The following DGKI variants were observed in gnomAD, a reference collection of about 807,000 sequenced individuals.
DGKI encodes the protein DAG kinase iota.
In DGKI, 55 loss-of-function variants were observed where a neutral mutation model predicts 147.5. The ratio of observed to expected loss-of-function variants is 0.37; its 90% CI spans 0.30 to 0.47. The LOEUF (loss-of-function observed/expected upper bound fraction) is 0.47, where lower values mean the gene tolerates loss of function less well. Among genes scored for constraint, DGKI ranks in the 20% least tolerant of loss-of-function variants. The probability of loss-of-function intolerance (pLI) is 1.00; values close to 1 mark genes in which losing one functional copy is unlikely to be tolerated. For synonymous variants in DGKI, 469 were observed against 477.1 expected (o/e 0.98, Z 0.22); for missense variants, 1,007 against 1,323.8 (o/e 0.76, Z 3.71).
At chr7:137,680,948 A>G (rs10248705) in intron 2 of DGKI, among the ~76,000 whole-genome samples, 9,954 of 152,216 alleles carry the variant, frequency 0.065, 1,034 homozygotes, top group African/African-American at 0.22. Flanking sequence ...AGAACAACCA[A>G]AATTTGTATT....
At chr7:137,498,327 A>T (rs984111652) in intron 21 of DGKI, among the ~76,000 whole-genome samples, 1 of 151,814 alleles carries the variant, frequency 6.6e-6, no homozygotes, top group Non-Finnish European at 1.5e-5. Context: ...AGGAGTTTCA[A>T]AAAACATCCC....
intron 15 of DGKI, among the ~76,000 whole-genome samples, chr7:137,578,583 T>C (rs566841953): frequency 8.5e-5 from 13 of 152,324 alleles, no homozygotes; most frequent in African/African-American, 3.1e-4. Flanking sequence ...GAATTGCAAA[T>C]GATTAGGCCC....
In DGKI at chr7:137,623,485, C is replaced by T; in HGVS notation, c.874G>A (p.Ala292Thr). 1 of 1,613,834 alleles carries T rather than the reference C, an allele frequency of 6.2e-7. No individual in the cohort carries two copies. The part of the protein sequence containing the change: ...VAISCSWCKQ[A>T]FHNKVTCFML... ...GCTTTATTTCATCCCAATCTTACCG[C>T]CTGCTTGCACCAGGAACAGCTGATA... Residue 292 changes from alanine to threonine, a missense_variant and splice_region_variant, in exon 7 of 33, where the codon GCG becomes ACG. Physicochemically the swap from Ala to Thr is moderately conservative, Grantham distance 58. This residue lies in a region of DGKI where 259 missense variants were observed against 362.5 expected (regional missense o/e 0.71). Coordinates refer to ENST00000614521, the MANE Select transcript of DGKI (RefSeq NM_001321708.2).
At chr7:137,640,018 T>G (rs949951325) in intron 6 of DGKI, among the ~76,000 whole-genome samples, 3 of 151,996 alleles carry the variant, frequency 2.0e-5, no homozygotes, top group South Asian at 2.1e-4. Context: ...TTTTTTTTTT[T>G]TGGTGGTGGT....
chr7:137,721,129 G>A (rs965626043), intron 1 of DGKI, among the ~76,000 whole-genome samples: 9 of 152,046 alleles, frequency 5.9e-5, no homozygotes, highest in African/African-American at 7.2e-5. Context: ...CCTGTAATTC[G>A]GGAATTAATT....
At chr7:137,680,200 G>A (rs1384924308) in intron 2 of DGKI, among the ~76,000 whole-genome samples, 3 of 152,044 alleles carry the variant, frequency 2.0e-5, no homozygotes, top group African/African-American at 7.3e-5. Context: ...GAAAGCAGCT[G>A]TCTGCAAGTG....
intron 20 of DGKI, among the ~76,000 whole-genome samples, chr7:137,548,678 C>G (rs1817945741): frequency 6.6e-6 from 1 of 152,170 alleles, no homozygotes; most frequent in South Asian, 2.1e-4. Flanking sequence ...TATAAATTAT[C>G]CAGCCTTAGC....
chr7:137,420,752 C>T lies in DGKI; in HGVS notation c.2762-8545G>A, dbSNP rs544138386. On this transcript the variant is annotated intron_variant, in intron 28 of 32. Transcript: ENST00000614521. ...AATCAGATGTGACCGAGCACTGTGG[C>T]CCACGCCTGTAATCCCAGCACTTTG... Among the ~76,000 whole-genome samples the T allele has an allele frequency of 1.4e-4, 21 of 152,288 alleles. No individual in the cohort carries two copies. In the South Asian group the frequency reaches 3.9e-3, roughly 29 times the overall value.
At chr7:137,455,179 C>T (rs1210644601) in intron 27 of DGKI, among the ~76,000 whole-genome samples, 1 of 151,928 alleles carries the variant, frequency 6.6e-6, no homozygotes. Flanking sequence ...TGTAACATAC[C>T]CCAGCAGCTT....
chr7:137,785,217 G>C (rs1158128176), intron 1 of DGKI, among the ~76,000 whole-genome samples: 1 of 147,068 alleles, frequency 6.8e-6, no homozygotes, highest in South Asian at 2.1e-4. Context: ...AAATAAAATT[G>C]ATAGACCATT....
chr7:137,458,559 C>A (rs1181930327), intron 27 of DGKI, among the ~76,000 whole-genome samples: 1 of 152,152 alleles, frequency 6.6e-6, no homozygotes, highest in African/African-American at 2.4e-5. Flanking sequence ...AAAGCAGTGT[C>A]TCCTAGACCC....
At chr7:137,657,135 TA>T (rs1286475939) in intron 3 of DGKI, among the ~76,000 whole-genome samples, 2 of 152,198 alleles carry the variant, frequency 1.3e-5, no homozygotes, top group Non-Finnish European at 1.5e-5. Flanking sequence ...CAGGAAACAA[TA>T]ATAAGAATAG....
intron 1 of DGKI, among the ~76,000 whole-genome samples, chr7:137,743,496 A>G (rs1201191858): frequency 1.3e-5 from 2 of 152,238 alleles, no homozygotes; most frequent in East Asian, 3.8e-4. Context: ...AACCATAAAA[A>G]TATATGTAAA....
chr7:137,391,874 C>G (rs1278529281), intron 32 of DGKI, among the ~76,000 whole-genome samples: 1 of 152,110 alleles, frequency 6.6e-6, no homozygotes, highest in Non-Finnish European at 1.5e-5. Flanking sequence ...TGGGCTATTT[C>G]ATCTCTCTAA....
chr7:137,588,511 C>T (rs1472069500), intron 12 of DGKI, among the ~76,000 whole-genome samples: 1 of 132,044 alleles, frequency 7.6e-6, no homozygotes, highest in African/African-American at 3.1e-5. Context: ...GAGTCTCAAT[C>T]GGTCGTCCAG....
chr7:137,782,693 C>G (rs1248682303), intron 1 of DGKI, among the ~76,000 whole-genome samples: 1 of 152,218 alleles, frequency 6.6e-6, no homozygotes, highest in Non-Finnish European at 1.5e-5. Context: ...CAACACAAAA[C>G]CAGTGCACTA....
At position 137,410,329 on chromosome 7, in the gene DGKI, C is replaced by T. The variant is rs540876015; in HGVS notation, c.2799+1841G>A. The stretch of plus-strand genomic sequence containing the variant: ...CTAAGGCAGGAGAATGGCGTGAACC[C>T]GGGAGGCGGAGCTTGCAGTGAGCCG... On this transcript the variant is annotated intron_variant, in intron 29 of 32. Coordinates refer to ENST00000614521, the MANE Select transcript of DGKI (RefSeq NM_001321708.2). Among the ~76,000 whole-genome samples, 34 of 152,242 alleles carry T rather than the reference C, an allele frequency of 2.2e-4. No individual in the cohort carries two copies. The South Asian group carries it at 5.6e-3, about 25-fold the overall frequency.
intron 6 of DGKI, among the ~76,000 whole-genome samples, chr7:137,634,006 A>G (rs1214564169): frequency 6.6e-6 from 1 of 152,234 alleles, no homozygotes. Flanking sequence ...GGTGGGACAT[A>G]AGCCCTATGA....
intron 28 of DGKI, among the ~76,000 whole-genome samples, chr7:137,421,662 T>C (rs1462585579): frequency 6.6e-6 from 1 of 152,234 alleles, no homozygotes; most frequent in Non-Finnish European, 1.5e-5. Context: ...TTTGCTTATC[T>C]GTTGTTGTGA....
Sources: gnomAD v4.1 joint callset for allele counts (sites outside exome capture counted in the v4.1 genomes callset) on GRCh38, gnomAD v4.1.1 for gene constraint, gnomAD v4.1.1 regional missense constraint, MANE v1.5 for transcripts, NCBI Gene and HGNC (gene_info 2026-07-23, HGNC 2026-07-21) for gene names.